ABCA6: variants seen among roughly 807,000 people sequenced by gnomAD.
The protein encoded by ABCA6 is ATP binding cassette subfamily A member 6.
In ABCA6, 164 loss-of-function variants were observed where a neutral mutation model predicts 191.2. That is an observed-to-expected ratio of 0.86 (90% CI 0.76 to 0.98). The LOEUF (loss-of-function observed/expected upper bound fraction) is 0.98, where lower values mean the gene tolerates loss of function less well. Ranked by LOEUF, ABCA6 falls within the 50% of genes least tolerant of loss-of-function variation. The pLI is 0.00. For missense variants in ABCA6, 1,958 were observed against 1,894.1 expected (o/e 1.03, Z -0.63); for synonymous variants, 636 against 647.7 (o/e 0.98, Z 0.27).
chr17:69,107,658 G>A (rs753431055), intron 18 of ABCA6, 38 bp downstream of exon 18: 11 of 1,296,044 alleles, frequency 8.5e-6, no homozygotes, highest in Non-Finnish European at 1.2e-5. Context: ...ATGATCATTT[G>A]GGAATTGGTT....
rs759360164 is a variant in ABCA6, at chr17:69,078,922, A to G, written c.*51T>C. The stretch of plus-strand genomic sequence containing the variant: ...AATTAAACATACTATTAATTATTAC[A>G]TAAAACATGAGTTTATAGGAGATCA... On this transcript the variant is annotated 3_prime_UTR_variant, in exon 39 of 39. Coordinates refer to ENST00000284425, the MANE Select transcript of ABCA6 (RefSeq NM_080284.3). The G allele has an allele frequency of 2.2e-5, 24 of 1,089,654 alleles. No individual in the cohort carries two copies. Among genetic ancestry groups the G allele is most frequent in the Non-Finnish European group, 2.8e-5 (21 of 756,190 alleles). The allele number at this position is 1,089,654 out of a possible 1,614,324, so 67.5% of individuals were successfully genotyped here. A position where few individuals can be genotyped will look rare whatever the true frequency, so the allele number is the denominator to read the frequency against.
chr17:69,079,209 C>T lies in ABCA6; in HGVS notation c.4752+1G>A. ...ATACAAAGTCAAACCACTTGACTTA[C>T]CTTCTCCAGTGTGCACTGAGAAAGG... On this transcript the variant is annotated splice_donor_variant, in intron 38 of 38. Transcript: ENST00000284425. LOFTEE classifies it high-confidence loss of function. The T allele has an allele frequency of 6.2e-7, 1 of 1,608,686 alleles. No individual in the cohort carries two copies. The highest frequency in any genetic ancestry group is 1.7e-5 in the Admixed American group (1 of 59,536).
At chr17:69,130,634 CTTTT>C (rs2073845678) in intron 6 of ABCA6, among the ~76,000 whole-genome samples, 1 of 152,116 alleles carries the variant, frequency 6.6e-6, no homozygotes, top group African/African-American at 2.4e-5. Context: ...TCGTACTTGT[CTTTT>C]TTGAGAAAAA....
intron 8 of ABCA6, among the ~76,000 whole-genome samples, chr17:69,127,825 T>C (rs2073781153): frequency 1.3e-5 from 2 of 152,134 alleles, no homozygotes; most frequent in Admixed American, 1.3e-4. Context: ...TGTACTAGAA[T>C]GTTTGTAGCA....
rs1775211167 is a variant in ABCA6 at position 69,137,406 on chromosome 17, A to G, written c.191T>C (p.Leu64Pro). The G allele has an allele frequency of 6.2e-7, 1 of 1,613,662 alleles. No individual in the cohort carries two copies. Among genetic ancestry groups the G allele is most frequent in the African/African-American group, 1.3e-5 (1 of 74,910 alleles). ...GCTATTAAATTTATCTACCCTTCCC[A>G]GATTCTGAGGAGCCATTCCAGGAAA... ...VQFPGMAPQNLGRVDKFNSSS... is the reference protein window; with the variant it reads ...VQFPGMAPQNPGRVDKFNSSS... The change falls in exon 3 of 39, where the codon CTG becomes CCG. Residue 64 changes from leucine (L) to proline (P), a missense_variant. Coordinates refer to ENST00000284425, the MANE Select transcript of ABCA6 (RefSeq NM_080284.3).
chr17:69,113,140 AG>A, intron 15 of ABCA6, 81 bp downstream of exon 15: 1 of 1,481,384 alleles, frequency 6.8e-7, no homozygotes, highest in Admixed American at 2.3e-5. Flanking sequence ...TAATGAGAGC[AG>A]GGCTCTTACC....
intron 6 of ABCA6, among the ~76,000 whole-genome samples, chr17:69,130,958 C>T (rs546328198): frequency 8.5e-5 from 13 of 152,092 alleles, no homozygotes; most frequent in Non-Finnish European, 1.8e-4. Flanking sequence ...CACGATTTTG[C>T]TTTAGAGGTG....
intron 13 of ABCA6, among the ~76,000 whole-genome samples, chr17:69,114,418 GT>G (rs1173387964): frequency 8.3e-6 from 1 of 120,682 alleles, no homozygotes; most frequent in Admixed American, 9.9e-5. Context: ...CTGTTGTGGG[GT>G]GGGGGGAGGG....
intron 26 of ABCA6, among the ~76,000 whole-genome samples, chr17:69,090,509 C>T (rs2144623228): frequency 6.6e-6 from 1 of 152,322 alleles, no homozygotes; most frequent in East Asian, 1.9e-4. Context: ...TTGTCTGACT[C>T]GCTAGAACAC....
chr17:69,111,450 G>C (rs1169145763), intron 16 of ABCA6: 2 of 152,544 alleles, frequency 1.3e-5, no homozygotes, highest in African/African-American at 4.8e-5. Context: ...GTCATAGGAG[G>C]GACCCAGTGG....
At chr17:69,092,092 CTTATT>C (rs1568002186) in intron 25 of ABCA6, among the ~76,000 whole-genome samples, 1 of 152,038 alleles carries the variant, frequency 6.6e-6, no homozygotes, top group African/African-American at 2.4e-5. Flanking sequence ...TTGTGATGGA[CTTATT>C]TTATTTTACA....
Position 69,128,820 on chromosome 17 carries a change from G to T in ABCA6, c.934-16C>A. On this transcript the variant is annotated splice_polypyrimidine_tract_variant and intron_variant, in intron 7 of 38. Transcript: ENST00000284425. ...CCAAAGCTACCTGCAAGAGAGAGAA[G>T]ACATTCAGCTGTTATAAAAAATATT... The T allele has an allele frequency of 6.4e-7, 1 of 1,554,440 alleles. No individual in the cohort carries two copies. The highest frequency in any genetic ancestry group is 1.3e-5 in the South Asian group (1 of 78,996).
Position 69,134,738 on chromosome 17 carries a change from A to G in ABCA6, c.465T>C (p.His155=). 6.2e-7 allele frequency: 1 copy of G among 1,610,194 alleles called. No individual in the cohort carries two copies. The highest frequency in any genetic ancestry group is 8.5e-7 in the Non-Finnish European group (1 of 1,176,914). ...AAAACTCACCATATCCATCCCAGCAATGAGCTGTAAGCACAAAGAAAAGCA... is the reference window on the plus strand; with the variant it reads ...AAAACTCACCATATCCATCCCAGCAGTGAGCTGTAAGCACAAAGAAAAGCA... The part of the protein sequence containing the change: ...SPLWKEDFSA[H]CWDGYGEFSC... The change falls in exon 5 of 39, where the codon CAT becomes CAC. Residue 155 remains histidine (H), a synonymous_variant. Transcript: ENST00000284425.
In ABCA6 at chr17:69,081,103, A is replaced by G; in HGVS notation, c.4659T>C (p.Val1553=). ...LLTYKLPVAD[V]YPLSQTFHKL... is the part of the protein sequence containing the mutation. ...TGTGAAAGGTCTGTGATAGAGGGTA[A>G]ACGTCTGCCACGGGCAGCTTATAGG... Residue 1553 remains valine, a synonymous_variant, in exon 37 of 39, where the codon GTT becomes GTC. Coordinates refer to ENST00000284425, the MANE Select transcript of ABCA6 (RefSeq NM_080284.3). 3 of 1,605,630 alleles carry G rather than the reference A, an allele frequency of 1.9e-6. No homozygotes were observed. Among genetic ancestry groups the G allele is most frequent in the Non-Finnish European group, 2.6e-6 (3 of 1,176,054 alleles).
intron 37 of ABCA6, among the ~76,000 whole-genome samples, chr17:69,080,523 T>C (rs2072605137): frequency 6.6e-6 from 1 of 151,294 alleles, no homozygotes; most frequent in Non-Finnish European, 1.5e-5. Context: ...GCAAAAGGAG[T>C]TACACACAAT....
intron 8 of ABCA6, among the ~76,000 whole-genome samples, chr17:69,125,624 G>A (rs2073737133): frequency 6.6e-6 from 1 of 152,062 alleles, no homozygotes; most frequent in African/African-American, 2.4e-5. Context: ...GCGAAGTTGA[G>A]TAGCCAAAAG....
intron 10 of ABCA6, among the ~76,000 whole-genome samples, chr17:69,122,217 A>G (rs1444856427): frequency 6.6e-6 from 1 of 152,116 alleles, no homozygotes; most frequent in Non-Finnish European, 1.5e-5. Context: ...GAAAATAAAG[A>G]TACCTACCTC....
At chr17:69,085,517 GGCA>G in intron 31 of ABCA6, 105 bp downstream of exon 31, 2 of 609,460 alleles carry the variant, frequency 3.3e-6, no homozygotes, top group East Asian at 3.2e-5. Flanking sequence ...TTTATCCAAA[GGCA>G]AAAAAAAAAA....
At chr17:69,083,514 T>C (rs551038759) in intron 34 of ABCA6, among the ~76,000 whole-genome samples, 183 bp from the exon 35 acceptor site, 29 of 152,372 alleles carry the variant, frequency 1.9e-4, no homozygotes, top group African/African-American at 6.5e-4. Flanking sequence ...GCTAATCATA[T>C]TGTAGTTGAG....
Sources: allele counts gnomAD v4.1 joint callset (sites outside exome capture counted in the v4.1 genomes callset), GRCh38; gene constraint gnomAD v4.1.1; transcripts MANE v1.5; gene names NCBI Gene and HGNC (gene_info 2026-07-23, HGNC 2026-07-21).